Variants in KCNMA1 observed in about 807,000 individuals in gnomAD.
The protein encoded by KCNMA1 is potassium calcium-activated channel subfamily M alpha 1.
Under a neutral mutation model 140.0 loss-of-function variants are expected in KCNMA1, and 29 were observed. The ratio of observed to expected loss-of-function variants is 0.21; its 90% confidence interval spans 0.15 to 0.28. The LOEUF (loss-of-function observed/expected upper bound fraction) is 0.28. Among genes scored for constraint, KCNMA1 ranks in the 10% least tolerant of loss-of-function variants. The pLI is 1.00. For synonymous variants in KCNMA1, 612 were observed against 611.9 expected, an observed-to-expected ratio of 1.00 and a Z score of 0.00; for missense variants, 880 against 1,602.2, an observed-to-expected ratio of 0.55 and a Z score of 7.70.
chr10:77,252,104 TA>T (rs2059774821), intron 2 of KCNMA1, among the ~76,000 whole-genome samples: 1 of 152,200 alleles, frequency 6.6e-6, no homozygotes, highest in South Asian at 2.1e-4. Flanking sequence ...CACTCAAAAT[TA>T]ATCTCCATGG....
At chr10:77,331,098 C>G (rs1031584082) in intron 2 of KCNMA1, among the ~76,000 whole-genome samples, 1 of 148,918 alleles carries the variant, frequency 6.7e-6, no homozygotes, top group Non-Finnish European at 1.5e-5. Flanking sequence ...TTTCTCCCTG[C>G]CCCCCATGTA....
chr10:77,245,758 T>C (rs1285430781), intron 3 of KCNMA1, among the ~76,000 whole-genome samples: 2 of 152,102 alleles, frequency 1.3e-5, no homozygotes, highest in South Asian at 2.1e-4. Context: ...TAGGTAAGGA[T>C]AGGAAGGCCA....
At chr10:77,464,376 T>A (rs952159237) in intron 1 of KCNMA1, among the ~76,000 whole-genome samples, 5 of 152,050 alleles carry the variant, frequency 3.3e-5, no homozygotes, top group Non-Finnish European at 7.4e-5. Flanking sequence ...GAGAGGTAGA[T>A]GGGGAGATGA....
intron 2 of KCNMA1, among the ~76,000 whole-genome samples, chr10:77,331,630 C>T (rs1486585986): frequency 7.2e-6 from 1 of 139,440 alleles, no homozygotes; most frequent in Non-Finnish European, 1.5e-5. Flanking sequence ...CCAGCATGGG[C>T]CTGTCTCTAC....
At chr10:76,951,943 C>G (rs2066423203) in intron 21 of KCNMA1, 3 of 1,214,664 alleles carry the variant, frequency 2.5e-6, no homozygotes, top group Non-Finnish European at 3.5e-6. Flanking sequence ...GATTGCATCT[C>G]CAGTAACTAG....
intron 1 of KCNMA1, among the ~76,000 whole-genome samples, chr10:77,542,291 G>A (rs1266249222): frequency 6.6e-6 from 1 of 152,182 alleles, no homozygotes; most frequent in Non-Finnish European, 1.5e-5. Context: ...AAGACAAAAG[G>A]AAGAATTGGC....
intron 17 of KCNMA1, among the ~76,000 whole-genome samples, chr10:77,018,674 A>G (rs2092472077): frequency 6.6e-6 from 1 of 152,204 alleles, no homozygotes; most frequent in South Asian, 2.1e-4. Flanking sequence ...ATATTAAGTA[A>G]AGAGCACTAG....
intron 3 of KCNMA1, among the ~76,000 whole-genome samples, chr10:77,227,779 G>C (rs138351128): frequency 7.7e-6 from 1 of 129,498 alleles, no homozygotes; most frequent in Non-Finnish European, 1.6e-5. Context: ...TTAGCCATTT[G>C]GGAGTACTTC....
chr10:77,402,854 A>C (rs2096320016), intron 2 of KCNMA1, among the ~76,000 whole-genome samples: 1 of 152,160 alleles, frequency 6.6e-6, no homozygotes. Context: ...CCCTAGCTTC[A>C]TGCCAGGACA....
intron 1 of KCNMA1, among the ~76,000 whole-genome samples, chr10:77,589,654 G>A (rs934628175): frequency 2.0e-5 from 3 of 152,196 alleles, no homozygotes; most frequent in South Asian, 4.2e-4. Context: ...AAGGTGGCGC[G>A]TCTGGAGTTT....
chr10:76,877,854 T>C (rs1253926425), exon 30 of KCNMA1: 1 of 1,610,414 alleles, frequency 6.2e-7, no homozygotes, highest in Non-Finnish European at 8.5e-7. Context: ...GTTTCTGGGA[T>C]AGGCATTATC....
chr10:76,906,327 T>C (rs142701750), intron 25 of KCNMA1, among the ~76,000 whole-genome samples: 64 of 152,278 alleles, frequency 4.2e-4, no homozygotes, highest in African/African-American at 1.5e-3. Context: ...TTCTGAAAAA[T>C]ACATTTCTAA....
chr10:77,462,006 C>A (rs907184787), intron 1 of KCNMA1, among the ~76,000 whole-genome samples: 1 of 152,116 alleles, frequency 6.6e-6, no homozygotes, highest in Non-Finnish European at 1.5e-5. Flanking sequence ...CAAATTCAGA[C>A]ACACACATGC....
At chr10:76,954,630 C>T (rs540196696) in intron 20 of KCNMA1, among the ~76,000 whole-genome samples, 62 of 152,340 alleles carry the variant, frequency 4.1e-4, no homozygotes, top group African/African-American at 1.5e-3. Context: ...CTCTCCTTGC[C>T]TTGACAACTG....
chr10:77,175,561 C>CT (rs894384505), intron 5 of KCNMA1, among the ~76,000 whole-genome samples: 9 of 152,180 alleles, frequency 5.9e-5, no homozygotes, highest in African/African-American at 2.2e-4. Context: ...AGCTGCAGTC[C>CT]TACCTGTCAG....
At chr10:77,052,264 T>C (rs1226760180) in intron 14 of KCNMA1, among the ~76,000 whole-genome samples, 2 of 152,164 alleles carry the variant, frequency 1.3e-5, no homozygotes, top group African/African-American at 2.4e-5. Context: ...CTGCCACCCA[T>C]GGACTTTCCT....
chr10:77,636,690 G>A, intron 1 of KCNMA1: 1 of 1,531,402 alleles, frequency 6.5e-7, no homozygotes, highest in Non-Finnish European at 8.7e-7. Context: ...GCCCCTCGAA[G>A]TCCCCCTGTT....
chr10:77,089,670 ACTCTG>A (rs1451665416), intron 10 of KCNMA1, among the ~76,000 whole-genome samples: 12 of 151,976 alleles, frequency 7.9e-5, no homozygotes, highest in African/African-American at 2.7e-4. Flanking sequence ...TGCACGCCTG[ACTCTG>A]CTCTGCACAC....
chr10:77,414,361 C>A (rs1436097892), intron 1 of KCNMA1, among the ~76,000 whole-genome samples: 3 of 152,086 alleles, frequency 2.0e-5, no homozygotes, highest in African/African-American at 7.3e-5. Context: ...TCCCTGAGGA[C>A]CAAGGGGGTC....
Sources: gnomAD v4.1 joint callset for allele counts (sites outside exome capture counted in the v4.1 genomes callset) on GRCh38, gnomAD v4.1.1 for gene constraint, MANE v1.5 for transcripts, NCBI Gene and HGNC (gene_info 2026-07-23, HGNC 2026-07-21) for gene names.